The following ABHD18 variants were observed in gnomAD, a reference collection of about 807,000 sequenced individuals.
ABHD18 encodes the protein abhydrolase domain containing 18.
A neutral mutation model predicts 65.9 loss-of-function variants in ABHD18; 55 were observed. The observed-to-expected ratio is 0.84, with a 90% confidence interval of 0.67 to 1.05. The LOEUF (loss-of-function observed/expected upper bound fraction) is 1.05, where lower values mean the gene tolerates loss of function less well. Among genes scored for constraint, ABHD18 ranks in the 50% least tolerant of loss-of-function variants. The pLI is 0.00. For missense variants in ABHD18, 533 were observed against 558.5 expected (o/e 0.95, Z 0.46); for synonymous variants, 181 against 180.2 (o/e 1.00, Z -0.04).
chr4:127,968,625 A>G (rs563584539), intron 1 of ABHD18, among the ~76,000 whole-genome samples: 1 of 152,218 alleles, frequency 6.6e-6, no homozygotes, highest in African/African-American at 2.4e-5. Flanking sequence ...ACTCATTTCT[A>G]GGAAAGACTT....
intron 4 of ABHD18, among the ~76,000 whole-genome samples, chr4:127,994,196 C>T (rs892081501): frequency 3.3e-5 from 5 of 152,156 alleles, no homozygotes; most frequent in Non-Finnish European, 5.9e-5. Context: ...ATATGGATTT[C>T]CCTATGTAAT....
chr4:127,977,326 G>C (rs1321215137), intron 1 of ABHD18, among the ~76,000 whole-genome samples: 1 of 152,134 alleles, frequency 6.6e-6, no homozygotes, highest in African/African-American at 2.4e-5. Context: ...TACAAAATTA[G>C]CTGGGCGTGG....
chr4:127,966,326 T>G (rs1457383165), intron 1 of ABHD18, among the ~76,000 whole-genome samples: 1 of 152,142 alleles, frequency 6.6e-6, no homozygotes, highest in East Asian at 1.9e-4. Context: ...GCAGACACAT[T>G]GCTAGTTTAC....
In ABHD18 at chr4:128,028,780, C is replaced by A; in HGVS notation, c.1107C>A (p.Asn369Lys). The A allele has an allele frequency of 6.2e-7, 1 of 1,611,674 alleles. No individual in the cohort carries two copies. The highest frequency in any genetic ancestry group is 8.5e-7 in the Non-Finnish European group (1 of 1,179,292). ...TACTTAGTAAAGAACAAAGCAGAAA[C>A]AGTCTTCGGAAAGAGTCTTTAATAT... The part of the protein sequence containing the change: ...YHLLSKEQSR[N>K]SLRKESLIFM... The change falls in exon 11 of 13, where the codon AAC (asparagine) becomes AAA (lysine). Residue 369 changes from asparagine to lysine, a missense_variant. Asn to Lys is a moderately conservative substitution (Grantham distance 94). Around this residue, in one of 3 missense-constraint regions of ABHD18, gnomAD observed 220 missense variants for 226.8 expected, o/e 0.97. Transcript: ENST00000645843.
At chr4:128,014,525 G>A (rs1339354866) in intron 7 of ABHD18, among the ~76,000 whole-genome samples, 1 of 152,130 alleles carries the variant, frequency 6.6e-6, no homozygotes, top group African/African-American at 2.4e-5. Context: ...TAGAAGTGTT[G>A]TGAGAATTAT....
intron 7 of ABHD18, among the ~76,000 whole-genome samples, chr4:128,015,046 C>G (rs1259400027): frequency 2.0e-5 from 3 of 150,820 alleles, no homozygotes; most frequent in Admixed American, 2.0e-4. Flanking sequence ...CATTGCACTC[C>G]AGCTTGAGTG....
At chr4:127,972,944 T>C (rs1395961170) in intron 1 of ABHD18, among the ~76,000 whole-genome samples, 4 of 152,098 alleles carry the variant, frequency 2.6e-5, no homozygotes, top group Non-Finnish European at 4.4e-5. Context: ...CTGACAAAGG[T>C]GTTAAGTGAA....
Position 128,036,011 on chromosome 4 carries a change from A to G in ABHD18, c.*198A>G, listed in dbSNP as rs775895851. 3 of 402,226 alleles carry G rather than the reference A, an allele frequency of 7.5e-6. No homozygotes were observed. The highest frequency in any genetic ancestry group is 1.3e-5 in the Non-Finnish European group (3 of 226,792). 24.9% of individuals were successfully genotyped at this position (402,226 alleles called of 1,614,324 possible). ...AATTTCAAGATAATATTTGAAGTAA[A>G]TAATGTTAAAGTGTTTTTACTATTG... On this transcript the variant is annotated 3_prime_UTR_variant, in exon 13 of 13. Transcript: ENST00000645843.
chr4:128,023,720 A>G (rs1233425954), intron 10 of ABHD18, among the ~76,000 whole-genome samples: 1 of 152,108 alleles, frequency 6.6e-6, no homozygotes, highest in African/African-American at 2.4e-5. Flanking sequence ...CTCTACTAAA[A>G]ATACAAAAAA....
At chr4:127,989,490 G>C (rs144034438) in intron 3 of ABHD18, among the ~76,000 whole-genome samples, 230 of 152,216 alleles carry the variant, frequency 1.5e-3, no homozygotes, top group African/African-American at 5.5e-3. Context: ...ACCCTGATTT[G>C]ATCATTACAA....
intron 12 of ABHD18, among the ~76,000 whole-genome samples, chr4:128,034,377 T>TA (rs1758633802): frequency 6.6e-6 from 1 of 152,160 alleles, no homozygotes; most frequent in Non-Finnish European, 1.5e-5. Context: ...TATTCTGCTA[T>TA]AAAAATGTAT....
chr4:128,030,516 T>G lies in ABHD18; in HGVS notation c.1187T>G (p.Val396Gly). ...CTHVANFSVP[V>G]DPSLIIVVQA... ...TTAAAAATCCTATACCTAGTCCCAG[T>G]TGATCCAAGCCTCATTATAGTGGTT... is the stretch of plus-strand genomic sequence containing the variant. Residue 396 changes from valine to glycine, a missense_variant, in exon 12 of 13, where the codon GTT (valine) becomes GGT (glycine). Val to Gly is a moderately radical substitution (Grantham distance 109, BLOSUM62 -3). Coordinates refer to ENST00000645843, the MANE Select transcript of ABHD18 (RefSeq NM_001358451.3). The G allele has an allele frequency of 3.2e-6, 5 of 1,548,546 alleles. No homozygotes were observed. Among genetic ancestry groups the G allele is most frequent in the Non-Finnish European group, 4.3e-6 (5 of 1,157,152 alleles).
rs1273685247 is a variant in ABHD18 at position 127,983,042 on chromosome 4, CA to C, written c.91del (p.Arg31AspfsTer8). ...IRGWGRPEDLKRLFEFRKMIG... is the reference protein window; with the variant it reads ...IRGWGRPEDLXRLFEFRKMIG... ...GAGGATGGGGAAGGCCAGAAGATCT[CA>C]AAAGGCAAGCAATTTTTTTTCCTGA... On this transcript the variant is annotated frameshift_variant, in exon 2 of 13. Transcript: ENST00000645843. LOFTEE classifies it high-confidence loss of function. The C allele has an allele frequency of 1.3e-6, 2 of 1,553,304 alleles. No individual in the cohort carries two copies. The highest frequency in any genetic ancestry group is 1.4e-5 in the African/African-American group (1 of 73,188).
intron 7 of ABHD18, among the ~76,000 whole-genome samples, chr4:128,015,332 G>C (rs577801804): frequency 3.3e-5 from 5 of 152,228 alleles, no homozygotes; most frequent in African/African-American, 1.2e-4. Context: ...TCTTAAGTCT[G>C]TTTTCATCAA....
chr4:128,021,214 T>C lies in ABHD18; in HGVS notation c.777T>C (p.Ile259=). 1.9e-6 allele frequency: 3 copies of C among 1,544,098 alleles called. No homozygotes were observed. The highest frequency in any genetic ancestry group is 2.6e-6 in the Non-Finnish European group (3 of 1,141,070). Residue 259 remains isoleucine, a synonymous_variant, in exon 10 of 13, where the codon ATT becomes ATC. Coordinates refer to ENST00000645843, the MANE Select transcript of ABHD18 (RefSeq NM_001358451.3). ...YYTQTVYEEE[I]IHMLEYCGTD... ...CCCAGACAGTTTATGAAGAAGAAAT[T>C]ATTCACATGCTTGAATACTGTGGAG...
intron 4 of ABHD18, among the ~76,000 whole-genome samples, chr4:128,008,646 T>C (rs1230671718): frequency 2.0e-5 from 3 of 152,146 alleles, no homozygotes; most frequent in Non-Finnish European, 4.4e-5. Flanking sequence ...TCTTTATGTA[T>C]TTATTAAGTT....
Position 128,037,251 on chromosome 4 carries a change from G to C in ABHD18, c.*1438G>C, listed in dbSNP as rs971535026. The C allele has an allele frequency of 1.3e-5, 2 of 151,760 alleles. No individual in the cohort carries two copies. The highest frequency in any genetic ancestry group is 4.8e-5 in the African/African-American group (2 of 41,286). The allele number at this position is 151,760 out of a possible 1,614,324, so 9.4% of individuals were successfully genotyped here. On this transcript the variant is annotated 3_prime_UTR_variant, in exon 13 of 13. Coordinates refer to ENST00000645843, the MANE Select transcript of ABHD18 (RefSeq NM_001358451.3). ...GCAGAAGTTGCAGTGAGCGGAGATC[G>C]CACCACTGCACTCCAGCCTAGGAGA...
At chr4:127,972,021 A>G (rs990315062) in intron 1 of ABHD18, among the ~76,000 whole-genome samples, 3 of 152,122 alleles carry the variant, frequency 2.0e-5, no homozygotes, top group African/African-American at 7.2e-5. Flanking sequence ...AGCTCCTGAG[A>G]GCCCTGTGGG....
rs561410075 is a variant in ABHD18, at chr4:128,018,785, G to A, written c.609+1284G>A. 2.2e-3 allele frequency among the ~76,000 whole-genome samples: 328 copies of A among 152,100 alleles called. 1 individual carries two copies. Among genetic ancestry groups the A allele is most frequent in the African/African-American group, 7.3e-3 (302 of 41,504 alleles). ...TCCCAGCACTTTGGGAGGCCGAGGC[G>A]GGCAGATCACCTGAGGTCAGGAGTT... is the stretch of plus-strand genomic sequence containing the variant. On this transcript the variant is annotated intron_variant, in intron 8 of 12. Coordinates refer to ENST00000645843, the MANE Select transcript of ABHD18 (RefSeq NM_001358451.3).
Sources: gnomAD v4.1 joint callset for allele counts (sites outside exome capture counted in the v4.1 genomes callset) on GRCh38, gnomAD v4.1.1 for gene constraint, gnomAD v4.1.1 regional missense constraint, MANE v1.5 for transcripts, NCBI Gene and HGNC (gene_info 2026-07-23, HGNC 2026-07-21) for gene names.